The following RAB22A variants were observed in gnomAD, a reference collection of about 807,000 sequenced individuals.
RAB22A encodes ras-related protein Rab-22A.
A neutral mutation model predicts 30.2 loss-of-function variants in RAB22A; 13 were observed. The observed-to-expected ratio is 0.43, with a 90% confidence interval of 0.28 to 0.68. The LOEUF (loss-of-function observed/expected upper bound fraction) is 0.68. Among genes scored for constraint, RAB22A ranks in the 30% least tolerant of loss-of-function variants. The probability of loss-of-function intolerance (pLI) is 0.18; values close to 1 mark genes in which losing one functional copy is unlikely to be tolerated. For missense variants in RAB22A, 177 were observed against 246.8 expected (o/e 0.72, Z 1.89); for synonymous variants, 89 against 87.2 (o/e 1.02, Z -0.11).
At chr20:58,328,893 G>T (rs1986614160) in intron 2 of RAB22A, among the ~76,000 whole-genome samples, 1 of 152,088 alleles carries the variant, frequency 6.6e-6, no homozygotes, top group Admixed American at 6.6e-5. Flanking sequence ...ACACATATTA[G>T]CATTACCATT....
intron 2 of RAB22A, among the ~76,000 whole-genome samples, chr20:58,332,356 G>C (rs962158027): frequency 6.6e-6 from 1 of 152,250 alleles, no homozygotes; most frequent in South Asian, 2.1e-4. Context: ...ACTTGAAGTG[G>C]GGCAGGTGAG....
At chr20:58,313,254 C>T (rs545136576) in intron 2 of RAB22A, among the ~76,000 whole-genome samples, 1 of 152,314 alleles carries the variant, frequency 6.6e-6, no homozygotes, top group African/African-American at 2.4e-5. Flanking sequence ...ACTCTCTGCA[C>T]CAGGAGATTT....
intron 2 of RAB22A, among the ~76,000 whole-genome samples, chr20:58,340,344 G>A (rs952920926): frequency 1.3e-5 from 2 of 152,152 alleles, no homozygotes; most frequent in African/African-American, 4.8e-5. Flanking sequence ...GACACTGCTT[G>A]GGCGTACTCA....
intron 2 of RAB22A, among the ~76,000 whole-genome samples, chr20:58,323,876 AT>A (rs1986507062): frequency 1.3e-5 from 2 of 151,928 alleles, no homozygotes; most frequent in African/African-American, 4.8e-5. Flanking sequence ...TCACATAATT[AT>A]ACTCTTTTAT....
chr20:58,333,790 C>T (rs78231779), intron 2 of RAB22A, among the ~76,000 whole-genome samples: 2,516 of 152,268 alleles, frequency 0.017, 29 homozygotes, highest in Non-Finnish European at 0.02. Context: ...TGCCATGGCT[C>T]ACACTTATAA....
intron 2 of RAB22A, among the ~76,000 whole-genome samples, chr20:58,312,704 A>G (rs1255785181): frequency 6.6e-6 from 1 of 151,364 alleles, no homozygotes; most frequent in Non-Finnish European, 1.5e-5. Context: ...ATTAGCCAGG[A>G]TGGTCTCTCT....
chr20:58,337,070 C>G (rs2040216431), intron 2 of RAB22A, among the ~76,000 whole-genome samples: 1 of 152,190 alleles, frequency 6.6e-6, no homozygotes, highest in South Asian at 2.1e-4. Context: ...TTTCCTGATG[C>G]ATTTGTTTCC....
chr20:58,315,899 A>T (rs1986327279), intron 2 of RAB22A, among the ~76,000 whole-genome samples: 1 of 152,058 alleles, frequency 6.6e-6, no homozygotes. Context: ...ATTAAAGACA[A>T]GTTTGATCCC....
intron 2 of RAB22A, among the ~76,000 whole-genome samples, chr20:58,314,662 G>A (rs1742189897): frequency 6.6e-6 from 1 of 151,742 alleles, no homozygotes; most frequent in South Asian, 2.1e-4. Context: ...GCAACATGGT[G>A]AAACCCCGTC....
chr20:58,316,226 C>T (rs1986335208), intron 2 of RAB22A, among the ~76,000 whole-genome samples: 1 of 152,166 alleles, frequency 6.6e-6, no homozygotes, highest in Admixed American at 6.5e-5. Flanking sequence ...TGGAGGGAGG[C>T]TCTCAGGCAT....
intron 2 of RAB22A, among the ~76,000 whole-genome samples, chr20:58,311,337 C>T (rs1986222196): frequency 6.6e-6 from 1 of 152,144 alleles, no homozygotes; most frequent in Admixed American, 6.5e-5. Flanking sequence ...CTTCAAAATG[C>T]AAATATGAAT....
At chr20:58,333,125 C>T (rs1021635368) in intron 2 of RAB22A, among the ~76,000 whole-genome samples, 2 of 151,748 alleles carry the variant, frequency 1.3e-5, no homozygotes, top group African/African-American at 4.8e-5. Flanking sequence ...ACTAAAAATA[C>T]AAAAATTAGC....
intron 2 of RAB22A, among the ~76,000 whole-genome samples, chr20:58,333,148 C>T (rs189317669): frequency 8.6e-4 from 131 of 151,890 alleles, no homozygotes; most frequent in Middle Eastern, 3.4e-3. Context: ...GGTGTGGTGG[C>T]GGGTACGTGT....
chr20:58,312,908 G>A (rs1986260584), intron 2 of RAB22A, among the ~76,000 whole-genome samples: 1 of 152,140 alleles, frequency 6.6e-6, no homozygotes, highest in South Asian at 2.1e-4. Flanking sequence ...AAAGAGCTGG[G>A]TATGACACAT....
intron 2 of RAB22A, among the ~76,000 whole-genome samples, chr20:58,331,863 G>A (rs1986666559): frequency 6.6e-6 from 1 of 152,066 alleles, no homozygotes; most frequent in Admixed American, 6.6e-5. Context: ...GTGACTCCAG[G>A]TGACGGGTAT....
intron 2 of RAB22A, among the ~76,000 whole-genome samples, chr20:58,312,473 T>C (rs13043538): frequency 1.4e-4 from 1 of 7,392 alleles, no homozygotes; most frequent in African/African-American, 1.1e-3. Context: ...GCTGGTTTTC[T>C]TTTTTTTTTT....
chr20:58,337,216 C>T (rs1431847232), intron 2 of RAB22A, among the ~76,000 whole-genome samples: 2 of 152,170 alleles, frequency 1.3e-5, no homozygotes, highest in Non-Finnish European at 2.9e-5. Context: ...GCTGGTCCTT[C>T]TGGAAGTTCT....
Position 58,346,511 on chromosome 20 carries a change from C to T in RAB22A, c.198+2712C>T, listed in dbSNP as rs896299872. 5.3e-5 allele frequency among the ~76,000 whole-genome samples: 8 copies of T among 152,326 alleles called. No homozygotes were observed. The East Asian group carries it at 5.8e-4, about 11-fold the overall frequency. On this transcript the variant is annotated intron_variant, in intron 3 of 6. Coordinates refer to ENST00000244040, the MANE Select transcript of RAB22A (RefSeq NM_020673.3). ...ACTGGAGCCCAGCTGGCTCCTTTCC[C>T]GTCTTTTAGTGTCAGGTTAAATGTG...
At chr20:58,343,082 C>T (rs1986883192) in intron 2 of RAB22A, among the ~76,000 whole-genome samples, 1 of 152,150 alleles carries the variant, frequency 6.6e-6, no homozygotes, top group South Asian at 2.1e-4. Context: ...ATCCGGGGCT[C>T]GATGAGGCCC....
Sources: gnomAD v4.1 joint callset for allele counts (sites outside exome capture counted in the v4.1 genomes callset) on GRCh38, gnomAD v4.1.1 for gene constraint, MANE v1.5 for transcripts, NCBI Gene and HGNC (gene_info 2026-07-23, HGNC 2026-07-21) for gene names.